The following CDH23 variants were observed in gnomAD, a reference collection of about 807,000 sequenced individuals.
CDH23 encodes cadherin related 23.
In CDH23, 189 loss-of-function variants were observed where a neutral mutation model predicts 317.1. The ratio of observed to expected loss-of-function variants is 0.60; its 90% CI spans 0.53 to 0.67. CDH23 has a LOEUF of 0.67. Among genes scored for constraint, CDH23 ranks in the 30% least tolerant of loss-of-function variants. The probability of loss-of-function intolerance (pLI) is 0.00; values close to 1 mark genes in which losing one functional copy is unlikely to be tolerated. For synonymous variants in CDH23, 1,839 were observed against 1,876.8 expected, an observed-to-expected ratio of 0.98 and a Z score of 0.52; for missense variants, 4,401 against 4,592.4, an observed-to-expected ratio of 0.96 and a Z score of 1.20.
At chr10:71,725,925 G>A (rs1341542981) in intron 30 of CDH23, among the ~76,000 whole-genome samples, 1 of 151,084 alleles carries the variant, frequency 6.6e-6, no homozygotes, top group Non-Finnish European at 1.5e-5. Context: ...ATAGAATCAG[G>A]ACTGGAGCCC....
At chr10:71,503,779 G>A (rs749518790) in intron 3 of CDH23, among the ~76,000 whole-genome samples, 12 of 152,188 alleles carry the variant, frequency 7.9e-5, no homozygotes, top group Non-Finnish European at 1.5e-4. Flanking sequence ...CCTCCCCAAC[G>A]TGCTAACTCG....
At chr10:71,759,970 T>C (rs540403051) in intron 38 of CDH23, among the ~76,000 whole-genome samples, 5 of 79,204 alleles carry the variant, frequency 6.3e-5, no homozygotes, top group Non-Finnish European at 9.0e-5. Context: ...CACATATATA[T>C]ACACACACAC....
At chr10:71,722,694 G>A (rs1054119843) in intron 28 of CDH23, among the ~76,000 whole-genome samples, 1 of 152,222 alleles carries the variant, frequency 6.6e-6, no homozygotes, top group Non-Finnish European at 1.5e-5. Flanking sequence ...TGCTCAGGGA[G>A]GGTCTTAGGA....
At position 71,807,382 on chromosome 10, in the gene CDH23, G is replaced by A. The variant is rs776337745; in HGVS notation, c.8284G>A (p.Ala2762Thr). The change falls in exon 58 of 70, where the codon GCG becomes ACG. Residue 2762 changes from alanine (A) to threonine (T), a missense_variant. Around this residue, in one of 3 missense-constraint regions of CDH23, gnomAD observed 1,144 missense variants for 1,138.2 expected, o/e 1.01. Coordinates refer to ENST00000224721, the MANE Select transcript of CDH23 (RefSeq NM_022124.6). The stretch of plus-strand genomic sequence containing the variant: ...AGTGGATGCAGATGAGGGCCCCAAC[G>A]CGATCGTGTACTACTTCATCGCAGG... ...GAVDADEGPN[A>T]IVYYFIAAGN... 2.5e-6 allele frequency: 4 copies of A among 1,613,892 alleles called. No homozygotes were observed. The highest frequency in any genetic ancestry group is 2.2e-5 in the South Asian group (2 of 91,070).
At position 71,627,158 on chromosome 10, in the gene CDH23, C is replaced by T. The variant is rs548924222; in HGVS notation, c.1134+9765C>T. On this transcript the variant is annotated intron_variant, in intron 11 of 69. Coordinates refer to ENST00000224721, the MANE Select transcript of CDH23 (RefSeq NM_022124.6). ...TCTGTTTCCCCATCCTCTGCCCTGG[C>T]TGTAGGCAGGGGTCTGTTTGCAAGG... Among the ~76,000 whole-genome samples the T allele has an allele frequency of 7.9e-5, 12 of 152,324 alleles. No homozygotes were observed. The South Asian group carries it at 2.5e-3, about 32-fold the overall frequency.
At chr10:71,726,846 G>A (rs111282468) in intron 30 of CDH23, among the ~76,000 whole-genome samples, 95 of 152,242 alleles carry the variant, frequency 6.2e-4, no homozygotes, top group African/African-American at 2.0e-3. Context: ...TCACCCAGGC[G>A]TGGTGGGCTC....
chr10:71,561,116 T>C (rs1857107381), intron 6 of CDH23, among the ~76,000 whole-genome samples: 1 of 152,108 alleles, frequency 6.6e-6, no homozygotes, highest in South Asian at 2.1e-4. Context: ...TTCATAAGTT[T>C]TCCTCTAGAA....
intron 7 of CDH23, among the ~76,000 whole-genome samples, chr10:71,569,327 C>A (rs780764990): frequency 6.6e-6 from 1 of 152,342 alleles, no homozygotes; most frequent in Non-Finnish European, 1.5e-5. Context: ...CTCTGCAGGC[C>A]AGGAGGAGGC....
At chr10:71,451,567 A>G (rs1054351465) in intron 3 of CDH23, among the ~76,000 whole-genome samples, 1 of 152,182 alleles carries the variant, frequency 6.6e-6, no homozygotes, top group Admixed American at 6.5e-5. Context: ...CTGGAACATT[A>G]TGAACCTGCG....
chr10:71,814,078 A>C (rs1027045269), intron 69 of CDH23, among the ~76,000 whole-genome samples: 15 of 152,340 alleles, frequency 9.8e-5, no homozygotes, highest in African/African-American at 3.1e-4. Flanking sequence ...ATACAGGAGG[A>C]CAACAGTGCC....
intron 14 of CDH23, among the ~76,000 whole-genome samples, chr10:71,666,919 C>T (rs1052255009): frequency 1.3e-5 from 2 of 152,200 alleles, no homozygotes; most frequent in Admixed American, 6.5e-5. Context: ...AGCGAAGCAC[C>T]GGGGCTCCAC....
chr10:71,435,406 A>G (rs190874242), intron 1 of CDH23, among the ~76,000 whole-genome samples: 15 of 152,310 alleles, frequency 9.8e-5, no homozygotes, highest in Admixed American at 9.1e-4. Context: ...TCACAGCCGT[A>G]TGTTCTCATG....
chr10:71,512,795 A>G (rs1188975649), intron 6 of CDH23, among the ~76,000 whole-genome samples: 1 of 152,176 alleles, frequency 6.6e-6, no homozygotes, highest in Non-Finnish European at 1.5e-5. Flanking sequence ...CCAAGGAGAG[A>G]GTCTCTTCAA....
intron 6 of CDH23, among the ~76,000 whole-genome samples, chr10:71,528,868 A>G (rs1331116185): frequency 6.6e-6 from 1 of 152,150 alleles, no homozygotes; most frequent in African/African-American, 2.4e-5. Context: ...GTCTCTGATG[A>G]TAGGTCTTTG....
chr10:71,697,788 C>T (rs1406979178), intron 22 of CDH23, among the ~76,000 whole-genome samples: 1 of 152,166 alleles, frequency 6.6e-6, no homozygotes, highest in Non-Finnish European at 1.5e-5. Context: ...CCTTGCCAGA[C>T]CTACAAAACC....
At chr10:71,664,817 C>T (rs1022875999) in intron 14 of CDH23, among the ~76,000 whole-genome samples, 2 of 151,444 alleles carry the variant, frequency 1.3e-5, no homozygotes, top group African/African-American at 4.9e-5. Flanking sequence ...CTCCCCCTTC[C>T]CCCTCCTCCC....
intron 7 of CDH23, among the ~76,000 whole-genome samples, chr10:71,568,705 G>A (rs1857557459): frequency 6.6e-6 from 1 of 152,166 alleles, no homozygotes; most frequent in African/African-American, 2.4e-5. Flanking sequence ...GAGATTCTCG[G>A]CCTGGCATTG....
At chr10:71,463,222 G>A (rs1851092859) in intron 3 of CDH23, among the ~76,000 whole-genome samples, 1 of 152,178 alleles carries the variant, frequency 6.6e-6, no homozygotes, top group Non-Finnish European at 1.5e-5. Flanking sequence ...ACCATATTGA[G>A]AAAGAAGGCA....
intron 1 of CDH23, among the ~76,000 whole-genome samples, chr10:71,418,859 C>G (rs1848634677): frequency 6.6e-6 from 1 of 152,204 alleles, no homozygotes; most frequent in Non-Finnish European, 1.5e-5. Flanking sequence ...ATGACCTCTT[C>G]TCTCTTAGTC....
Sources: gnomAD v4.1 joint callset for allele counts (sites outside exome capture counted in the v4.1 genomes callset) on GRCh38, gnomAD v4.1.1 for gene constraint, gnomAD v4.1.1 regional missense constraint, MANE v1.5 for transcripts, NCBI Gene and HGNC (gene_info 2026-07-23, HGNC 2026-07-21) for gene names.